CYFIP1: variants seen among roughly 807,000 people sequenced by gnomAD.
The protein encoded by CYFIP1 is cytoplasmic FMR1 interacting protein 1.
Under a neutral mutation model 163.5 loss-of-function variants are expected in CYFIP1, and 58 were observed. The ratio of observed to expected loss-of-function variants is 0.35; its 90% CI spans 0.29 to 0.44. CYFIP1 has a LOEUF of 0.44. CYFIP1 is among the 20% of genes least tolerant of loss of function. The pLI, the probability that CYFIP1 is intolerant of heterozygous loss-of-function variation, is 1.00. For missense variants in CYFIP1, 1,338 were observed against 1,653.8 expected (o/e 0.81, Z 3.31); for synonymous variants, 663 against 660.7 (o/e 1.00, Z -0.05).
At chr15:22,932,571 G>A (rs1380182311) in intron 10 of CYFIP1, among the ~76,000 whole-genome samples, 1 of 152,198 alleles carries the variant, frequency 6.6e-6, no homozygotes, top group Non-Finnish European at 1.5e-5. Flanking sequence ...TGACCCCTGA[G>A]ACTGAGATGC....
At chr15:22,902,342 A>C (rs1189444574) in intron 22 of CYFIP1, among the ~76,000 whole-genome samples, 1 of 152,144 alleles carries the variant, frequency 6.6e-6, no homozygotes, top group East Asian at 1.9e-4. Flanking sequence ...GCGCCTGGCC[A>C]TCCCCTCCCT....
chr15:22,966,123 T>A (rs1415015757), intron 1 of CYFIP1, among the ~76,000 whole-genome samples: 2 of 150,536 alleles, frequency 1.3e-5, no homozygotes, highest in Non-Finnish European at 3.0e-5. Context: ...CCGAGGCGGG[T>A]GGATCACCTG....
Position 22,868,829 on chromosome 15 carries a change from A to G in CYFIP1, c.*1199T>C, listed in dbSNP as rs1484407483. On this transcript the variant is annotated 3_prime_UTR_variant, in exon 31 of 31. Transcript: ENST00000617928. ...GTTGCAATACTCCAAATAATGTAAA[A>G]TGACTGCCAGGCTACAATATAAAGT... The G allele has an allele frequency of 1.3e-5, 2 of 152,180 alleles. No individual in the cohort carries two copies. The highest frequency in any genetic ancestry group is 4.8e-5 in the African/African-American group (2 of 41,434). The allele number at this position is 152,180 out of a possible 1,614,324, so 9.4% of individuals were successfully genotyped here. A position where few individuals can be genotyped will look rare whatever the true frequency, so the allele number is the denominator to read the frequency against.
intron 1 of CYFIP1, among the ~76,000 whole-genome samples, chr15:22,976,921 C>T (rs1385911372): frequency 2.0e-5 from 3 of 152,124 alleles, no homozygotes; most frequent in Admixed American, 6.5e-5. Context: ...GTCGCCAGGC[C>T]GGGCCCGGTG....
intron 1 of CYFIP1, among the ~76,000 whole-genome samples, chr15:22,960,537 G>A (rs1348437059): frequency 2.6e-5 from 4 of 152,184 alleles, no homozygotes; most frequent in Non-Finnish European, 4.4e-5. Flanking sequence ...GGGTCTTCAC[G>A]AAAACTGTGG....
chr15:22,955,143 A>T (rs1007986549), intron 1 of CYFIP1, among the ~76,000 whole-genome samples: 7 of 152,218 alleles, frequency 4.6e-5, no homozygotes, highest in Non-Finnish European at 1.0e-4. Context: ...TGGGGGCTCC[A>T]TGGGTCCACC....
At chr15:22,875,165 G>T in intron 27 of CYFIP1, 34 bp downstream of exon 27, 1 of 1,606,096 alleles carries the variant, frequency 6.2e-7, no homozygotes, top group Non-Finnish European at 8.5e-7. Flanking sequence ...ACAGAGGGCA[G>T]TCTGGACTCC....
chr15:22,949,051 C>G (rs1264057583), intron 1 of CYFIP1, among the ~76,000 whole-genome samples: 1 of 152,142 alleles, frequency 6.6e-6, no homozygotes, highest in East Asian at 1.9e-4. Context: ...AGTCTTTTGT[C>G]TACAGATTCA....
chr15:22,892,731 C>T (rs1196330458), intron 23 of CYFIP1, among the ~76,000 whole-genome samples, 159 bp downstream of exon 23: 1 of 152,058 alleles, frequency 6.6e-6, no homozygotes, highest in East Asian at 1.9e-4. Context: ...TAAATTACTG[C>T]TACTTTTCAG....
At chr15:22,915,572 A>C in intron 16 of CYFIP1, among the ~76,000 whole-genome samples, 1 of 152,184 alleles carries the variant, frequency 6.6e-6, no homozygotes, top group Middle Eastern at 3.4e-3. Flanking sequence ...AACATGGTAA[A>C]ACCCCATCTC....
At chr15:22,895,016 AT>A (rs748636744) in intron 22 of CYFIP1, among the ~76,000 whole-genome samples, 3,790 of 137,612 alleles carry the variant, frequency 0.028, 68 homozygotes, top group Non-Finnish European at 0.041. Context: ...TGCCTGGCTA[AT>A]TTTTTTTTTT....
intron 1 of CYFIP1, among the ~76,000 whole-genome samples, chr15:22,962,591 A>ATTTTTTTTAGTAG (rs2062723688): frequency 6.6e-6 from 1 of 150,680 alleles, no homozygotes; most frequent in Non-Finnish European, 1.5e-5. Context: ...TTTAGTAGAG[A>ATTTTTTTTAGTAG]CAGGATTTCT....
At position 22,944,937 on chromosome 15, in the gene CYFIP1, G is replaced by A. The variant is rs780187106; in HGVS notation, c.210C>T (p.Asn70=). 8 of 1,613,764 alleles carry A rather than the reference G, an allele frequency of 5.0e-6. No individual in the cohort carries two copies. Among genetic ancestry groups the A allele is most frequent in the African/African-American group, 1.3e-5 (1 of 74,908 alleles). The change falls in exon 4 of 31, where the codon AAC becomes AAT. Residue 70 remains asparagine, a splice_region_variant and synonymous_variant. Transcript: ENST00000617928. The part of the protein sequence containing the change: ...IEQATVHSSM[N]EMLEEGQEYA... The stretch of plus-strand genomic sequence containing the variant: ...ATTCTTGGCCCTCCTCCAGCATCTC[G>A]TTCTGCAATGGAACACAGGGCAAAT...
chr15:22,921,653 C>T (rs1335179013), intron 13 of CYFIP1, among the ~76,000 whole-genome samples: 1 of 149,498 alleles, frequency 6.7e-6, no homozygotes, highest in African/African-American at 2.5e-5. Flanking sequence ...CCTGTATCTA[C>T]TAAAAATACA....
At chr15:22,907,880 A>C (rs1293081022) in intron 21 of CYFIP1, among the ~76,000 whole-genome samples, 1 of 152,148 alleles carries the variant, frequency 6.6e-6, no homozygotes, top group Non-Finnish European at 1.5e-5. Flanking sequence ...TCTTCTGTCC[A>C]CGTTAAGGTC....
chr15:22,903,928 G>A, intron 21 of CYFIP1, 23 bp from the exon 22 acceptor site: 1 of 1,609,900 alleles, frequency 6.2e-7, no homozygotes, highest in Non-Finnish European at 8.5e-7. Flanking sequence ...AGACAGGGGT[G>A]GGTGACAGAG....
intron 24 of CYFIP1, among the ~76,000 whole-genome samples, chr15:22,882,586 C>A (rs1042277422): frequency 4.6e-5 from 7 of 152,226 alleles, no homozygotes; most frequent in African/African-American, 1.7e-4. Flanking sequence ...GGGCAGATCT[C>A]TGGAGCCCAG....
intron 1 of CYFIP1, among the ~76,000 whole-genome samples, chr15:22,964,002 C>G (rs1230083068): frequency 6.6e-6 from 1 of 151,964 alleles, no homozygotes; most frequent in Non-Finnish European, 1.5e-5. Context: ...TATTATGAGA[C>G]AGAAACTATG....
chr15:22,905,379 G>A (rs564111726), intron 21 of CYFIP1: 4 of 151,964 alleles, frequency 2.6e-5, no homozygotes, highest in African/African-American at 7.3e-5. Flanking sequence ...TGTATGACAG[G>A]TACACTGAAT....
Sources: allele counts gnomAD v4.1 joint callset (sites outside exome capture counted in the v4.1 genomes callset), GRCh38; gene constraint gnomAD v4.1.1; transcripts MANE v1.5; gene names NCBI Gene and HGNC (gene_info 2026-07-23, HGNC 2026-07-21).